Variants in LRP1B observed in about 807,000 individuals in gnomAD.
LRP1B encodes LDL receptor related protein 1B.
LRP1B carries 217 observed loss-of-function variants against 556.6 expected under a neutral mutation model. The ratio of observed to expected loss-of-function variants is 0.39; its 90% confidence interval spans 0.35 to 0.44. The LOEUF (loss-of-function observed/expected upper bound fraction) is 0.44, where lower values mean the gene tolerates loss of function less well. LRP1B is among the 20% of genes least tolerant of loss of function. The pLI is 1.00. For synonymous variants in LRP1B, 2,047 were observed against 1,865.8 expected, an observed-to-expected ratio of 1.10 and a Z score of -2.50; for missense variants, 5,053 against 5,620.8, an observed-to-expected ratio of 0.90 and a Z score of 3.23.
chr2:141,037,512 C>G (rs1035788004), intron 11 of LRP1B, among the ~76,000 whole-genome samples: 6 of 151,972 alleles, frequency 3.9e-5, no homozygotes, highest in Non-Finnish European at 7.4e-5. Context: ...GAATGTCTCA[C>G]TTCTGGCTCA....
At chr2:140,361,603 T>C (rs577704851) in intron 72 of LRP1B, among the ~76,000 whole-genome samples, 1 of 151,138 alleles carries the variant, frequency 6.6e-6, no homozygotes, top group Admixed American at 6.6e-5. Context: ...TGTTATTACT[T>C]TGGTGTCTCT....
chr2:141,957,558 G>A (rs1178982787), intron 1 of LRP1B, among the ~76,000 whole-genome samples: 1 of 151,944 alleles, frequency 6.6e-6, no homozygotes, highest in Non-Finnish European at 1.5e-5. Flanking sequence ...TAAGTGTTTT[G>A]TCTTCCTCTC....
At chr2:141,767,358 C>G (rs937707206) in intron 2 of LRP1B, among the ~76,000 whole-genome samples, 14 of 151,986 alleles carry the variant, frequency 9.2e-5, no homozygotes, top group Non-Finnish European at 2.1e-4. Flanking sequence ...CCTGTGGATT[C>G]TGTCTGCAGC....
chr2:142,022,848 T>C (rs1482499207), intron 1 of LRP1B, among the ~76,000 whole-genome samples: 1 of 151,506 alleles, frequency 6.6e-6, no homozygotes, highest in Non-Finnish European at 1.5e-5. Flanking sequence ...TTTTTTTAAA[T>C]TTTTTTTTAG....
chr2:140,286,634 A>C (rs1340446533), intron 84 of LRP1B, among the ~76,000 whole-genome samples: 1 of 151,862 alleles, frequency 6.6e-6, no homozygotes, highest in African/African-American at 2.4e-5. Context: ...TATTTTCGTC[A>C]GTGTTCTGAT....
intron 1 of LRP1B, among the ~76,000 whole-genome samples, chr2:142,024,400 T>C (rs1459210874): frequency 6.6e-6 from 1 of 152,184 alleles, no homozygotes; most frequent in East Asian, 1.9e-4. Context: ...GCCCTTGCCT[T>C]GGAGTTTCTC....
At chr2:141,662,610 A>G (rs1026554974) in intron 2 of LRP1B, among the ~76,000 whole-genome samples, 2 of 152,194 alleles carry the variant, frequency 1.3e-5, no homozygotes, top group Admixed American at 1.3e-4. Context: ...TAAAGGGCTC[A>G]ATTCAACAGG....
intron 31 of LRP1B, among the ~76,000 whole-genome samples, chr2:140,821,245 C>T (rs1691319461): frequency 6.6e-6 from 1 of 151,960 alleles, no homozygotes; most frequent in African/African-American, 2.4e-5. Context: ...AAAAAATTAC[C>T]TCCCCCGCAC....
intron 41 of LRP1B, among the ~76,000 whole-genome samples, chr2:140,648,568 G>A (rs1016482366): frequency 6.6e-6 from 1 of 152,084 alleles, no homozygotes; most frequent in Admixed American, 6.6e-5. Flanking sequence ...TTTACACTGA[G>A]ATATAAAGGA....
chr2:140,659,887 C>T (rs1685029957), intron 41 of LRP1B, among the ~76,000 whole-genome samples: 1 of 151,944 alleles, frequency 6.6e-6, no homozygotes, highest in Non-Finnish European at 1.5e-5. Context: ...TGGGGAGTAA[C>T]ACATTGATTT....
chr2:141,026,882 C>T (rs1698232093), intron 11 of LRP1B, among the ~76,000 whole-genome samples: 1 of 152,016 alleles, frequency 6.6e-6, no homozygotes, highest in East Asian at 1.9e-4. Context: ...TTAACTTGTA[C>T]ATCTACAAAT....
At chr2:140,841,160 T>G in intron 29 of LRP1B, 68 bp from the exon 30 acceptor site, 1 of 987,294 alleles carries the variant, frequency 1.0e-6, no homozygotes, top group Non-Finnish European at 1.5e-6. Context: ...CTGCAAGTAG[T>G]TATTTTCTAT....
At chr2:141,501,514 A>C (rs780754917) in intron 2 of LRP1B, among the ~76,000 whole-genome samples, 11 of 152,176 alleles carry the variant, frequency 7.2e-5, no homozygotes, top group Non-Finnish European at 1.6e-4. Flanking sequence ...CAGTATAATT[A>C]AGTCATTTTA....
At position 141,614,080 on chromosome 2, in the gene LRP1B, C is replaced by CA. The variant is rs550183140; in HGVS notation, c.206-133548dup. ...GGGCGATAAGAGCAAAACTCAGCCT[C>CA]AAAAAAAAAAAAAAAAAAAAAGAAA... is the stretch of plus-strand genomic sequence containing the variant. On this transcript the variant is annotated intron_variant, in intron 2 of 90. Transcript: ENST00000389484. Among the ~76,000 whole-genome samples the CA allele has an allele frequency of 3.2e-4, 15 of 47,338 alleles. 1 individual carries two copies. The highest frequency in any genetic ancestry group is 6.2e-4 in the African/African-American group (7 of 11,326). 31.1% of individuals were successfully genotyped at this position (47,338 alleles called of 152,430 possible).
At chr2:140,455,265 C>T (rs1687049009) in intron 62 of LRP1B, among the ~76,000 whole-genome samples, 1 of 152,076 alleles carries the variant, frequency 6.6e-6, no homozygotes, top group Non-Finnish European at 1.5e-5. Context: ...GTAATAAAAG[C>T]AGAGTCTGTG....
intron 1 of LRP1B, among the ~76,000 whole-genome samples, chr2:141,982,942 G>A (rs1702082443): frequency 6.6e-6 from 1 of 152,136 alleles, no homozygotes; most frequent in South Asian, 2.1e-4. Flanking sequence ...AAGATTATAT[G>A]TTCAGAGAGC....
At chr2:141,170,565 A>T (rs960677979) in intron 7 of LRP1B, among the ~76,000 whole-genome samples, 1 of 152,088 alleles carries the variant, frequency 6.6e-6, no homozygotes, top group Admixed American at 6.6e-5. Flanking sequence ...ATGCCAGTTT[A>T]TTAACAAGGG....
intron 2 of LRP1B, among the ~76,000 whole-genome samples, chr2:141,690,392 T>TATAA (rs1553448655): frequency 0.052 from 1,773 of 34,222 alleles, 119 homozygotes; most frequent in East Asian, 0.091. Context: ...GGATTACATC[T>TATAA]ATAAATATAT....
intron 2 of LRP1B, among the ~76,000 whole-genome samples, chr2:141,672,642 A>G (rs1305098220): frequency 6.6e-6 from 1 of 152,192 alleles, no homozygotes; most frequent in Non-Finnish European, 1.5e-5. Context: ...AGCCTGCACA[A>G]TGTTCTACAG....
Sources: gnomAD v4.1 joint callset for allele counts (sites outside exome capture counted in the v4.1 genomes callset) on GRCh38, gnomAD v4.1.1 for gene constraint, MANE v1.5 for transcripts, NCBI Gene and HGNC (gene_info 2026-07-23, HGNC 2026-07-21) for gene names.